EFCAB13: variants seen among roughly 807,000 people sequenced by gnomAD.
EFCAB13 encodes the protein EF-hand calcium binding domain 13.
A neutral mutation model predicts 110.2 loss-of-function variants in EFCAB13; 91 were observed. The ratio of observed to expected loss-of-function variants is 0.83; its 90% CI spans 0.70 to 0.98. EFCAB13 has a LOEUF of 0.98. EFCAB13 is among the 50% of genes least tolerant of loss of function. EFCAB13 has a pLI of 0.00. For missense variants in EFCAB13, 968 were observed against 1,119.4 expected, an observed-to-expected ratio of 0.86 and a Z score of 1.93; for synonymous variants, 323 against 369.9, an observed-to-expected ratio of 0.87 and a Z score of 1.45.
intron 10 of EFCAB13, among the ~76,000 whole-genome samples, chr17:47,368,077 T>C (rs2065559001): frequency 6.6e-6 from 1 of 152,176 alleles, no homozygotes; most frequent in Admixed American, 6.5e-5. Flanking sequence ...TTCCATATAA[T>C]GATCAGTGGC....
At chr17:47,335,102 A>G in intron 4 of EFCAB13, 94 bp from the exon 5 acceptor site, 1 of 1,305,288 alleles carries the variant, frequency 7.7e-7, no homozygotes, top group East Asian at 2.5e-5. Context: ...TTGAGAAAGA[A>G]TATCAATCTA....
Position 47,374,488 on chromosome 17 carries a change from A to T in EFCAB13, c.894A>T (p.Ser298=). The change falls in exon 12 of 25, where the codon TCA becomes TCT. Residue 298 remains serine, a synonymous_variant. Transcript: ENST00000331493. ...QYEDVSITEG[S]PLNEITSDRK... ...CTTATTTAGCAATTACAGAAGGATC[A>T]CCTTTGAATGAAATTACTTCAGACA... 6.6e-7 allele frequency: 1 copy of T among 1,519,264 alleles called. No individual in the cohort carries two copies. The highest frequency in any genetic ancestry group is 8.8e-7 in the Non-Finnish European group (1 of 1,136,212). The allele number at this position is 1,519,264 out of a possible 1,614,324, so 94.1% of individuals were successfully genotyped here.
At chr17:47,438,798 A>G (rs1905258902) in intron 24 of EFCAB13, among the ~76,000 whole-genome samples, 1 of 152,066 alleles carries the variant, frequency 6.6e-6, no homozygotes, top group Non-Finnish European at 1.5e-5. Context: ...CAGGTAAATC[A>G]GGGATTTCTT....
intron 14 of EFCAB13, among the ~76,000 whole-genome samples, chr17:47,384,259 A>G (rs1200202567): frequency 6.6e-6 from 1 of 150,844 alleles, no homozygotes; most frequent in African/African-American, 2.4e-5. Context: ...TCCTGAATAC[A>G]TTTAATTTGC....
Position 47,370,502 on chromosome 17 carries a change from G to A in EFCAB13, c.871G>A (p.Asp291Asn), listed in dbSNP as rs574467844. The change falls in exon 11 of 25, where the codon GAT (aspartate) becomes AAT (asparagine). Residue 291 changes from aspartate to asparagine, a missense_variant. Asp to Asn is a conservative substitution (Grantham distance 23). Transcript: ENST00000331493. ...GAATGAGCTACAGGAACAGTATGAG[G>A]ATGTTTGTAAGTGAGCTCTTGTTGC... ...TLNELQEQYE[D>N]VSITEGSPLN... The A allele has an allele frequency of 1.2e-6, 2 of 1,602,896 alleles. No individual in the cohort carries two copies. The highest frequency in any genetic ancestry group is 1.7e-6 in the Non-Finnish European group (2 of 1,171,202).
At position 47,328,321 on chromosome 17, in the gene EFCAB13, C is replaced by T. The variant is rs1160014232; in HGVS notation, c.-33C>T. ...ATACTTGTTCATCAAAGCCTGGAGT[C>T]CTTAAGGACAGAATTTACCTCTAAA... is the stretch of plus-strand genomic sequence containing the variant. On this transcript the variant is annotated 5_prime_UTR_variant, in exon 4 of 25. Transcript: ENST00000331493. The T allele has an allele frequency of 2.5e-6, 4 of 1,595,512 alleles. No individual in the cohort carries two copies. The East Asian group carries it at 6.7e-5, about 27-fold the overall frequency.
intron 17 of EFCAB13, among the ~76,000 whole-genome samples, chr17:47,401,242 A>G (rs1598751775): frequency 2.0e-5 from 3 of 152,362 alleles, no homozygotes; most frequent in East Asian, 3.9e-4. Context: ...TCAGGCTTTT[A>G]TCTGCTGGTG....
intron 15 of EFCAB13, among the ~76,000 whole-genome samples, chr17:47,393,257 T>C (rs181843684): frequency 2.0e-4 from 30 of 152,262 alleles, no homozygotes; most frequent in African/African-American, 7.0e-4. Context: ...AAGTAAGAAA[T>C]ATGTTATTCT....
chr17:47,347,013 C>T (rs1233591236), intron 8 of EFCAB13, among the ~76,000 whole-genome samples: 1 of 152,158 alleles, frequency 6.6e-6, no homozygotes, highest in Non-Finnish European at 1.5e-5. Flanking sequence ...ATTCCCAGCA[C>T]TGCGGAAGGC....
At chr17:47,371,714 A>G (rs1294694741) in intron 11 of EFCAB13, among the ~76,000 whole-genome samples, 2 of 152,124 alleles carry the variant, frequency 1.3e-5, no homozygotes, top group Non-Finnish European at 2.9e-5. Context: ...CCTGGGTTCA[A>G]GCGATTCTCC....
intron 17 of EFCAB13, among the ~76,000 whole-genome samples, chr17:47,397,411 T>G (rs1435894002): frequency 1.3e-5 from 2 of 152,062 alleles, no homozygotes; most frequent in Non-Finnish European, 2.9e-5. Context: ...GTGCCGAGAT[T>G]GCAGCCTCTG....
At chr17:47,409,813 C>A in intron 21 of EFCAB13, 122 bp downstream of exon 21, 3 of 749,112 alleles carry the variant, frequency 4.0e-6, no homozygotes, top group Non-Finnish European at 6.9e-6. Flanking sequence ...ACTATTTTTC[C>A]ACAATAGTAA....
chr17:47,390,556 A>G (rs2143408370), intron 14 of EFCAB13, among the ~76,000 whole-genome samples: 1 of 152,314 alleles, frequency 6.6e-6, no homozygotes, highest in Admixed American at 6.5e-5. Context: ...TACTGACCAA[A>G]TTTATGAAGA....
At chr17:47,414,283 G>A (rs1326109553) in intron 22 of EFCAB13, among the ~76,000 whole-genome samples, 5 of 152,108 alleles carry the variant, frequency 3.3e-5, no homozygotes, top group Admixed American at 6.6e-5. Flanking sequence ...ACATGTACAT[G>A]TGCATGTATG....
At chr17:47,421,601 G>A (rs1452042230) in intron 23 of EFCAB13, among the ~76,000 whole-genome samples, 2 of 116,838 alleles carry the variant, frequency 1.7e-5, no homozygotes, top group Non-Finnish European at 3.4e-5. Context: ...CCCCCTCTGC[G>A]AGAAACACCC....
chr17:47,402,393 A>ATCCT (rs2065784036), intron 18 of EFCAB13, among the ~76,000 whole-genome samples, 190 bp downstream of exon 18: 2 of 152,274 alleles, frequency 1.3e-5, no homozygotes, highest in African/African-American at 4.8e-5. Flanking sequence ...TTCAGAATGT[A>ATCCT]TCCTTCATTA....
intron 24 of EFCAB13, among the ~76,000 whole-genome samples, chr17:47,432,556 T>G (rs968969030): frequency 1.3e-5 from 2 of 152,028 alleles, no homozygotes; most frequent in Non-Finnish European, 2.9e-5. Context: ...TACCACTTCA[T>G]TCCAGCCTGG....
At chr17:47,367,589 C>G (rs936439303) in intron 10 of EFCAB13, among the ~76,000 whole-genome samples, 5 of 152,192 alleles carry the variant, frequency 3.3e-5, no homozygotes, top group African/African-American at 1.2e-4. Flanking sequence ...GCTTGGCTAT[C>G]AGAGCATTAT....
intron 14 of EFCAB13, among the ~76,000 whole-genome samples, chr17:47,381,810 C>A (rs985801684): frequency 1.3e-5 from 2 of 152,148 alleles, no homozygotes; most frequent in East Asian, 1.9e-4. Context: ...TAGCTTTCTT[C>A]TTTTTGCTTA....
Sources: gnomAD v4.1 joint callset for allele counts (sites outside exome capture counted in the v4.1 genomes callset) on GRCh38, gnomAD v4.1.1 for gene constraint, MANE v1.5 for transcripts, NCBI Gene and HGNC (gene_info 2026-07-23, HGNC 2026-07-21) for gene names.